SPMIP2: variants seen among roughly 807,000 people sequenced by gnomAD.
SPMIP2 encodes the protein sperm microtubule inner protein 2, also known as protein SPMIP2.
At chr4:159,056,078 C>T in the SPMIP2 span, among the ~76,000 whole-genome samples, 2 of 152,154 alleles carry the variant, frequency 1.3e-5, no homozygotes, top group Non-Finnish European at 2.9e-5. Flanking sequence ...CCCAGTTCCT[C>T]ATTTCCTTTT....
chr4:158,995,855 CAAAAA>C, the SPMIP2 span, among the ~76,000 whole-genome samples: 5 of 70,770 alleles, frequency 7.1e-5, no homozygotes, highest in African/African-American at 1.1e-4. Flanking sequence ...GACTCCATCT[CAAAAA>C]AAAAAAAAAA....
At chr4:158,895,467 CTT>C in the SPMIP2 span, among the ~76,000 whole-genome samples, 1 of 152,022 alleles carries the variant, frequency 6.6e-6, no homozygotes, top group Non-Finnish European at 1.5e-5. Flanking sequence ...GCAAGAAACA[CTT>C]TTGGAATGAT....
chr4:158,923,282 C>G, the SPMIP2 span, among the ~76,000 whole-genome samples: 1 of 152,126 alleles, frequency 6.6e-6, no homozygotes, highest in African/African-American at 2.4e-5. Context: ...TTGTCAATTT[C>G]TACAAAGAAG....
chr4:159,073,388 A>G, the SPMIP2 span, among the ~76,000 whole-genome samples: 28 of 152,128 alleles, frequency 1.8e-4, no homozygotes, highest in African/African-American at 6.5e-4. Flanking sequence ...TCCTGGGCTC[A>G]AGCGATCTGC....
chr4:158,975,685 T>A, the SPMIP2 span, among the ~76,000 whole-genome samples: 1 of 152,230 alleles, frequency 6.6e-6, no homozygotes, highest in African/African-American at 2.4e-5. Context: ...AGTACCATAC[T>A]ATTTTGGTTA....
the SPMIP2 span, among the ~76,000 whole-genome samples, chr4:158,939,671 CCTCTT>C: frequency 6.6e-6 from 1 of 152,062 alleles, no homozygotes; most frequent in Non-Finnish European, 1.5e-5. Context: ...TCCCTCTTCT[CCTCTT>C]ATTTGTTGAA....
At chr4:158,929,239 C>A in the SPMIP2 span, among the ~76,000 whole-genome samples, 1 of 152,156 alleles carries the variant, frequency 6.6e-6, no homozygotes, top group South Asian at 2.1e-4. Flanking sequence ...GCTGGTCCCA[C>A]GCTCCTGGCC....
At chr4:158,897,566 T>C in the SPMIP2 span, among the ~76,000 whole-genome samples, 1 of 152,232 alleles carries the variant, frequency 6.6e-6, no homozygotes, top group African/African-American at 2.4e-5. Context: ...TCATTGTGGT[T>C]TTGATTTGCA....
At chr4:159,001,924 T>C in the SPMIP2 span, among the ~76,000 whole-genome samples, 2 of 152,232 alleles carry the variant, frequency 1.3e-5, no homozygotes, top group Non-Finnish European at 2.9e-5. Context: ...AGCGCCACCC[T>C]GCTTTCCACA....
the SPMIP2 span, among the ~76,000 whole-genome samples, chr4:159,068,728 C>T: frequency 6.6e-6 from 1 of 150,758 alleles, no homozygotes; most frequent in African/African-American, 2.4e-5. Flanking sequence ...AGAAGTGAGA[C>T]TCAATGAGCC....
At chr4:158,924,549 T>G in the SPMIP2 span, among the ~76,000 whole-genome samples, 13 of 151,422 alleles carry the variant, frequency 8.6e-5, no homozygotes, top group Non-Finnish European at 1.9e-4. Flanking sequence ...CTGGCTAATT[T>G]TTTTGTATTT....
chr4:158,973,339 T>C, the SPMIP2 span: 24 of 1,362,918 alleles, frequency 1.8e-5, no homozygotes, highest in Non-Finnish European at 2.1e-5. Context: ...TACTTAAAAC[T>C]TCTCCACACT....
chr4:158,986,367 C>A, the SPMIP2 span, among the ~76,000 whole-genome samples: 2 of 152,170 alleles, frequency 1.3e-5, no homozygotes, highest in Non-Finnish European at 2.9e-5. Context: ...AGGCATCACG[C>A]TACCTGACTT....
At chr4:158,949,071 T>C in the SPMIP2 span, among the ~76,000 whole-genome samples, 2 of 152,238 alleles carry the variant, frequency 1.3e-5, no homozygotes, top group Non-Finnish European at 2.9e-5. Flanking sequence ...CTTTTTGTTC[T>C]ACTTTTGAAG....
chr4:159,010,286 G>C, the SPMIP2 span, among the ~76,000 whole-genome samples: 1 of 152,174 alleles, frequency 6.6e-6, no homozygotes, highest in South Asian at 2.1e-4. Flanking sequence ...GTATGACCTT[G>C]CACTCTATGT....
chr4:159,000,494 C>CTTTTTTTTT, the SPMIP2 span, among the ~76,000 whole-genome samples: 1 of 130,004 alleles, frequency 7.7e-6, no homozygotes, highest in Admixed American at 8.3e-5. Flanking sequence ...TCTTCTTCTT[C>CTTTTTTTTT]TTTTTTTTTT....
chr4:159,057,747 AATATTT>A, the SPMIP2 span, among the ~76,000 whole-genome samples: 1 of 152,030 alleles, frequency 6.6e-6, no homozygotes, highest in African/African-American at 2.4e-5. Flanking sequence ...AGAATATAGA[AATATTT>A]ATAAAGTAAT....
the SPMIP2 span, among the ~76,000 whole-genome samples, chr4:159,066,724 C>T: frequency 5.3e-5 from 8 of 151,854 alleles, no homozygotes; most frequent in African/African-American, 1.2e-4. Context: ...AAAACAGTCT[C>T]TCTTGGGAAT....
the SPMIP2 span, among the ~76,000 whole-genome samples, chr4:159,073,511 CA>C: frequency 6.6e-6 from 1 of 151,842 alleles, no homozygotes; most frequent in Non-Finnish European, 1.5e-5. Context: ...TCTCTTTGAC[CA>C]AAAAAATAAA....
Sources: allele counts gnomAD v4.1 joint callset (sites outside exome capture counted in the v4.1 genomes callset), GRCh38; gene constraint gnomAD v4.1.1; transcripts MANE v1.5; gene names NCBI Gene and HGNC (gene_info 2026-07-23, HGNC 2026-07-21).